CHIC2: variants seen among roughly 807,000 people sequenced by gnomAD.
CHIC2 encodes cysteine rich hydrophobic domain 2, also known as cysteine-rich hydrophobic domain-containing protein 2.
In CHIC2, 14 loss-of-function variants were observed where a neutral mutation model predicts 25.9. The observed-to-expected ratio is 0.54, with a 90% CI of 0.36 to 0.85. The LOEUF (loss-of-function observed/expected upper bound fraction) is 0.85, where lower values mean the gene tolerates loss of function less well. CHIC2 is among the 40% of genes least tolerant of loss of function. The pLI is 0.01. For missense variants in CHIC2, 146 were observed against 202.0 expected (o/e 0.72, Z 1.68); for synonymous variants, 70 against 72.0 (o/e 0.97, Z 0.14).
intron 3 of CHIC2, among the ~76,000 whole-genome samples, chr4:54,038,440 G>A (rs1217604591): frequency 2.0e-5 from 3 of 151,978 alleles, no homozygotes; most frequent in South Asian, 2.1e-4. Context: ...TATATGCTAC[G>A]CAAAAAACTA....
At chr4:54,050,730 T>G (rs1269169379) in intron 1 of CHIC2, among the ~76,000 whole-genome samples, 2 of 152,134 alleles carry the variant, frequency 1.3e-5, no homozygotes, top group Non-Finnish European at 2.9e-5. Context: ...GCCTAAGGGC[T>G]ATGGGCTATA....
intron 3 of CHIC2, among the ~76,000 whole-genome samples, chr4:54,039,595 ATC>A (rs1220308450): frequency 6.6e-6 from 1 of 152,204 alleles, no homozygotes; most frequent in Non-Finnish European, 1.5e-5. Context: ...AAGCAACTGG[ATC>A]TCTCATGCAT....
chr4:54,085,579 T>C, the CHIC2 span, among the ~76,000 whole-genome samples: 1 of 152,218 alleles, frequency 6.6e-6, no homozygotes, highest in South Asian at 2.1e-4. Context: ...AGACTCCAAA[T>C]GAGCTCTAGC....
the CHIC2 span, among the ~76,000 whole-genome samples, chr4:54,071,125 A>G: frequency 6.6e-6 from 1 of 152,222 alleles, no homozygotes; most frequent in African/African-American, 2.4e-5. Flanking sequence ...AAGGAAGATG[A>G]TCTAAACTAG....
At chr4:54,032,390 CGAG>C (rs1394217279) in intron 3 of CHIC2, among the ~76,000 whole-genome samples, 2 of 151,486 alleles carry the variant, frequency 1.3e-5, no homozygotes, top group Non-Finnish European at 2.9e-5. Context: ...CTCAGCCTGC[CGAG>C]TGCCTGCGAT....
intron 3 of CHIC2, among the ~76,000 whole-genome samples, chr4:54,024,784 T>C (rs570160591): frequency 2.0e-5 from 3 of 152,320 alleles, no homozygotes; most frequent in Admixed American, 2.0e-4. Context: ...CTCAGTCCTT[T>C]AATACCTGTT....
chr4:54,058,300 TTA>T (rs1717233631), intron 1 of CHIC2, among the ~76,000 whole-genome samples: 1 of 152,180 alleles, frequency 6.6e-6, no homozygotes, highest in African/African-American at 2.4e-5. Flanking sequence ...AAGGTGGATA[TTA>T]TCTCTTTCGC....
chr4:54,083,740 G>C, the CHIC2 span, among the ~76,000 whole-genome samples: 1 of 152,102 alleles, frequency 6.6e-6, no homozygotes, highest in Non-Finnish European at 1.5e-5. Flanking sequence ...GACACTAACT[G>C]TCTCTGGTTT....
chr4:54,091,067 A>T, the CHIC2 span, among the ~76,000 whole-genome samples: 9 of 152,088 alleles, frequency 5.9e-5, no homozygotes, highest in Non-Finnish European at 1.2e-4. Context: ...CCCTGAGTAC[A>T]TGAACATAAA....
chr4:54,030,026 T>C (rs1052824496), intron 3 of CHIC2, among the ~76,000 whole-genome samples: 25 of 152,046 alleles, frequency 1.6e-4, no homozygotes, highest in African/African-American at 5.8e-4. Flanking sequence ...GCAAAGATAT[T>C]CAGAAGAAAC....
At chr4:54,034,131 G>A (rs530852586) in intron 3 of CHIC2, among the ~76,000 whole-genome samples, 7 of 152,018 alleles carry the variant, frequency 4.6e-5, no homozygotes, top group South Asian at 2.1e-4. Flanking sequence ...CTCGCCAGAC[G>A]CGGTGGCTCA....
At chr4:54,028,530 C>T (rs1716127215) in intron 3 of CHIC2, among the ~76,000 whole-genome samples, 2 of 152,178 alleles carry the variant, frequency 1.3e-5, no homozygotes, top group East Asian at 3.8e-4. Flanking sequence ...TTAACTCCAT[C>T]ACTGGTAAAG....
chr4:54,083,087 C>T, the CHIC2 span, among the ~76,000 whole-genome samples: 3 of 126,420 alleles, frequency 2.4e-5, no homozygotes, highest in Admixed American at 9.9e-5. Context: ...GTGATCTCGG[C>T]TCACTGCAAC....
intron 3 of CHIC2, among the ~76,000 whole-genome samples, chr4:54,025,753 T>C (rs1716038882): frequency 6.6e-6 from 1 of 151,574 alleles, no homozygotes; most frequent in African/African-American, 2.4e-5. Flanking sequence ...TCCCAGCTAC[T>C]TGGGAAGCTG....
At chr4:54,012,061 AAT>A (rs200456554) in intron 5 of CHIC2, among the ~76,000 whole-genome samples, 4 of 151,278 alleles carry the variant, frequency 2.6e-5, no homozygotes, top group Admixed American at 1.3e-4. Flanking sequence ...AACTATCACA[AAT>A]ATATATATAT....
At chr4:54,071,475 T>C in the CHIC2 span, among the ~76,000 whole-genome samples, 1 of 152,218 alleles carries the variant, frequency 6.6e-6, no homozygotes, top group Non-Finnish European at 1.5e-5. Context: ...AAAACTGAAG[T>C]ACAAGGAAGT....
intron 3 of CHIC2, among the ~76,000 whole-genome samples, chr4:54,045,894 G>A (rs1433395324): frequency 6.6e-6 from 1 of 151,926 alleles, no homozygotes; most frequent in Non-Finnish European, 1.5e-5. Flanking sequence ...TGTATATCTA[G>A]AAAACCCCAT....
chr4:54,089,392 C>CATAGATATAT, the CHIC2 span, among the ~76,000 whole-genome samples: 2 of 145,144 alleles, frequency 1.4e-5, no homozygotes, highest in African/African-American at 5.1e-5. Context: ...CACCACATTC[C>CATAGATATAT]ATATATATAT....
the CHIC2 span, chr4:54,087,160 G>T: frequency 1.3e-6 from 1 of 755,852 alleles, no homozygotes; most frequent in African/African-American, 1.7e-5. Flanking sequence ...AGAACAAACA[G>T]AGGACTCCTG....
Sources: allele counts gnomAD v4.1 joint callset (sites outside exome capture counted in the v4.1 genomes callset), GRCh38; gene constraint gnomAD v4.1.1; transcripts MANE v1.5; gene names NCBI Gene and HGNC (gene_info 2026-07-23, HGNC 2026-07-21).